The following MKLN1 variants were observed in gnomAD, a reference collection of about 807,000 sequenced individuals.
MKLN1 encodes muskelin.
Under a neutral mutation model 99.0 loss-of-function variants are expected in MKLN1, and 18 were observed. The observed-to-expected ratio is 0.18, with a 90% CI of 0.13 to 0.27. The LOEUF (loss-of-function observed/expected upper bound fraction) is 0.27. MKLN1 is among the 10% of genes least tolerant of loss of function. The pLI is 1.00. For missense variants in MKLN1, 621 were observed against 875.9 expected (o/e 0.71, Z 3.67); for synonymous variants, 288 against 293.2 (o/e 0.98, Z 0.18).
rs185287493 is a variant in MKLN1 at position 131,167,231 on chromosome 7, A to G, written c.-297+24290A>G. On this transcript the variant is annotated intron_variant, in intron 2 of 7. Coordinates refer to the MKLN1 transcript ENST00000416992. ...AGGTTTGCTACCTCATGAGTACACC[A>G]TTACACCATTCTTGGGACTGGGCAT... is the stretch of plus-strand genomic sequence containing the variant. Among the ~76,000 whole-genome samples, 728 of 152,322 alleles carry G rather than the reference A, an allele frequency of 4.8e-3. 3 individuals carry two copies. The highest frequency in any genetic ancestry group is 0.014 in the Middle Eastern group (4 of 294).
intron 14 of MKLN1, among the ~76,000 whole-genome samples, chr7:131,464,679 T>C (rs1016455532): frequency 2.0e-5 from 3 of 152,352 alleles, no homozygotes; most frequent in Non-Finnish European, 2.9e-5. Context: ...ATACATGACA[T>C]AGCCTATTGT....
chr7:131,368,108 T>C (rs1584659033), intron 1 of MKLN1, among the ~76,000 whole-genome samples: 1 of 152,164 alleles, frequency 6.6e-6, no homozygotes, highest in Non-Finnish European at 1.5e-5. Flanking sequence ...CTATTACCAC[T>C]GCTGAGGGGC....
chr7:131,477,641 A>G (rs779266859), intron 16 of MKLN1, among the ~76,000 whole-genome samples: 14 of 152,298 alleles, frequency 9.2e-5, no homozygotes, highest in Admixed American at 2.0e-4. Flanking sequence ...CCCTTTTCAT[A>G]ACTCTTGCTT....
At chr7:131,304,740 A>G (rs1381693342) in intron 3 of MKLN1, among the ~76,000 whole-genome samples, 1 of 152,176 alleles carries the variant, frequency 6.6e-6, no homozygotes, top group African/African-American at 2.4e-5. Flanking sequence ...GTTTTAACCA[A>G]TCACATAGAG....
intron 3 of MKLN1, among the ~76,000 whole-genome samples, chr7:131,227,495 C>CTTTCTTTCTTTCTTTCTTTCTT (rs767797052): frequency 1.7e-5 from 2 of 115,710 alleles, no homozygotes; most frequent in Non-Finnish European, 1.7e-5. Flanking sequence ...CTCTTTCTTT[C>CTTTCTTTCTTTCTTTCTTTCTT]TCTTTCTTTC....
chr7:131,424,948 A>G (rs1795315650), intron 8 of MKLN1, among the ~76,000 whole-genome samples: 1 of 152,156 alleles, frequency 6.6e-6, no homozygotes, highest in South Asian at 2.1e-4. Flanking sequence ...AATCCCTTCC[A>G]TGATCTGGAC....
intron 1 of MKLN1, among the ~76,000 whole-genome samples, chr7:131,332,409 C>T (rs925610150): frequency 1.4e-5 from 2 of 147,984 alleles, no homozygotes; most frequent in Non-Finnish European, 3.0e-5. Context: ...GACAGCATCT[C>T]GTCAATACCC....
chr7:131,369,473 ATTT>A (rs1800280248), intron 1 of MKLN1, among the ~76,000 whole-genome samples: 1 of 151,894 alleles, frequency 6.6e-6, no homozygotes, highest in African/African-American at 2.4e-5. Flanking sequence ...ATTTTGAGAA[ATTT>A]TTTTTGGTCA....
At chr7:131,376,737 G>A (rs972553352) in intron 2 of MKLN1, among the ~76,000 whole-genome samples, 1 of 151,370 alleles carries the variant, frequency 6.6e-6, no homozygotes, top group Non-Finnish European at 1.5e-5. Context: ...TTTAGAAATG[G>A]AAAGTGACTG....
At chr7:131,343,788 A>C (rs931866390) in intron 1 of MKLN1, among the ~76,000 whole-genome samples, 8 of 152,184 alleles carry the variant, frequency 5.3e-5, no homozygotes, top group African/African-American at 1.9e-4. Context: ...CATACAGGGC[A>C]GCACTTATTT....
At position 131,281,632 on chromosome 7, in the gene MKLN1, G is replaced by A. The variant is rs116263102; in HGVS notation, c.-179+78658G>A. 3.3e-5 allele frequency among the ~76,000 whole-genome samples: 5 copies of A among 151,544 alleles called. 1 individual carries two copies. The highest frequency in any genetic ancestry group is 4.2e-4 in the South Asian group (2 of 4,814). On this transcript the variant is annotated intron_variant, in intron 3 of 7. Coordinates refer to the MKLN1 transcript ENST00000416992. ...TTTTTCAGGATTATTCATTGCTAGT[G>A]TATAGAAATACAATTGATTTTTGTT...
upstream of MKLN1, chr7:131,327,846 C>A (rs1798928603): frequency 2.5e-6 from 4 of 1,598,656 alleles, no homozygotes; most frequent in Non-Finnish European, 3.4e-6. Flanking sequence ...ACGCCCCCTC[C>A]CCTCCTCCCG....
chr7:131,458,011 C>T (rs527681327), intron 12 of MKLN1, among the ~76,000 whole-genome samples: 1 of 152,196 alleles, frequency 6.6e-6, no homozygotes, highest in African/African-American at 2.4e-5. Context: ...CGAAAGAGCT[C>T]ATAGTGTACC....
intron 2 of MKLN1, among the ~76,000 whole-genome samples, chr7:131,156,005 T>C (rs1419465037): frequency 2.0e-5 from 3 of 152,152 alleles, no homozygotes; most frequent in African/African-American, 7.2e-5. Flanking sequence ...ATTATAAAAT[T>C]AGGTAAAAGA....
At chr7:131,161,885 T>G (rs1796054959) in intron 2 of MKLN1, among the ~76,000 whole-genome samples, 5 of 151,054 alleles carry the variant, frequency 3.3e-5, no homozygotes, top group Admixed American at 3.3e-4. Context: ...TTAGTAACTC[T>G]GAACACATTG....
intron 1 of MKLN1, among the ~76,000 whole-genome samples, chr7:131,118,330 A>G (rs200096775): frequency 6.6e-6 from 1 of 152,036 alleles, no homozygotes; most frequent in African/African-American, 2.4e-5. Context: ...GAGGTGGGTG[A>G]ATCACCTGAG....
chr7:131,149,720 A>G (rs1026385676), intron 2 of MKLN1, among the ~76,000 whole-genome samples: 3 of 152,252 alleles, frequency 2.0e-5, no homozygotes, highest in Non-Finnish European at 2.9e-5. Flanking sequence ...TGGGATGTAC[A>G]TGTAATTAGA....
intron 3 of MKLN1, among the ~76,000 whole-genome samples, chr7:131,239,980 G>A (rs899205479): frequency 3.9e-5 from 6 of 152,118 alleles, no homozygotes; most frequent in African/African-American, 7.2e-5. Flanking sequence ...CCAGGAGTTC[G>A]AGACCAGCCT....
At chr7:131,359,584 G>C (rs1248892577) in intron 1 of MKLN1, among the ~76,000 whole-genome samples, 2 of 152,068 alleles carry the variant, frequency 1.3e-5, no homozygotes, top group African/African-American at 4.8e-5. Flanking sequence ...CAGGGATATT[G>C]ATGTGTCCAA....
Sources: gnomAD v4.1 joint callset for allele counts (sites outside exome capture counted in the v4.1 genomes callset) on GRCh38, gnomAD v4.1.1 for gene constraint, MANE v1.5 for transcripts, NCBI Gene and HGNC (gene_info 2026-07-23, HGNC 2026-07-21) for gene names.